DISC1: variants seen among roughly 807,000 people sequenced by gnomAD.
DISC1 encodes DISC1 scaffold protein.
Under a neutral mutation model 84.5 loss-of-function variants are expected in DISC1, and 57 were observed. The observed-to-expected ratio is 0.67, with a 90% CI of 0.55 to 0.84. The LOEUF is 0.84. Ranked by LOEUF, DISC1 falls within the 40% of genes least tolerant of loss-of-function variation. The probability of loss-of-function intolerance (pLI) is 0.00; values close to 1 mark genes in which losing one functional copy is unlikely to be tolerated. For missense variants in DISC1, 1,000 were observed against 1,057.8 expected (o/e 0.95, Z 0.76); for synonymous variants, 411 against 415.2 (o/e 0.99, Z 0.12).
At chr1:231,738,197 A>G (rs541870659) in intron 3 of DISC1, among the ~76,000 whole-genome samples, 2 of 152,170 alleles carry the variant, frequency 1.3e-5, no homozygotes, top group Non-Finnish European at 2.9e-5. Flanking sequence ...ACACTCTCCC[A>G]TGCACCCAAC....
At chr1:231,748,471 G>A (rs1348904913) in intron 3 of DISC1, among the ~76,000 whole-genome samples, 1 of 152,124 alleles carries the variant, frequency 6.6e-6, no homozygotes, top group East Asian at 1.9e-4. Context: ...TTTATCAAAA[G>A]CTTTTTCTGC....
rs139010431 is a variant in DISC1, at chr1:231,775,857, C to T, written c.1634+4787C>T. 3.4e-3 allele frequency among the ~76,000 whole-genome samples: 521 copies of T among 152,138 alleles called. 3 individuals are homozygous for T. The highest frequency in any genetic ancestry group is 0.012 in the African/African-American group (501 of 41,498). The stretch of plus-strand genomic sequence containing the variant: ...AGCTTGGTTCTTCTCCCACACGAAA[C>T]CCATGGTTCTTGTTCTACCCCCTGC... On this transcript the variant is annotated intron_variant, in intron 6 of 12. Transcript: ENST00000439617.
chr1:232,008,734 A>T, intron 10 of DISC1, 51 bp from the exon 11 acceptor site: 1 of 1,515,454 alleles, frequency 6.6e-7, no homozygotes, highest in Non-Finnish European at 8.8e-7. Flanking sequence ...ACTTGGTATG[A>T]TGAAACATCA....
chr1:231,720,365 G>A (rs994569147), intron 3 of DISC1, among the ~76,000 whole-genome samples: 1 of 151,860 alleles, frequency 6.6e-6, no homozygotes, highest in African/African-American at 2.4e-5. Context: ...TTTAAGACAG[G>A]GTCTCGCTTT....
chr1:231,739,157 G>C (rs564036318), intron 3 of DISC1, among the ~76,000 whole-genome samples: 1 of 152,102 alleles, frequency 6.6e-6, no homozygotes, highest in Non-Finnish European at 1.5e-5. Flanking sequence ...TGCTTCCTTC[G>C]CTATTTCCAT....
intron 1 of DISC1, among the ~76,000 whole-genome samples, chr1:231,689,841 G>A (rs955588388): frequency 6.6e-6 from 1 of 152,176 alleles, no homozygotes; most frequent in South Asian, 2.1e-4. Flanking sequence ...ACAGTGCTGG[G>A]TGTTAACAAT....
chr1:231,799,792 C>T lies in DISC1; in HGVS notation c.1690-316C>T, dbSNP rs185843102. On this transcript the variant is annotated intron_variant, in intron 7 of 12. Transcript: ENST00000439617. ...GGCATATGCTTGGAATATGCCATTG[C>T]TCACTTTATTTTTGTTCTTCTTCCT... Among the ~76,000 whole-genome samples the T allele has an allele frequency of 4.0e-3, 591 of 149,036 alleles. 3 individuals are homozygous for T. Among genetic ancestry groups the T allele is most frequent in the African/African-American group, 0.014 (569 of 40,220 alleles).
chr1:231,892,803 A>T (rs1035265576), intron 9 of DISC1, among the ~76,000 whole-genome samples: 1 of 152,182 alleles, frequency 6.6e-6, no homozygotes, highest in African/African-American at 2.4e-5. Flanking sequence ...ACGGGGAGAA[A>T]GATGATTCCT....
rs183112427 is a variant in DISC1 at position 231,880,790 on chromosome 1, T to C, written c.1981+62273T>C. Among the ~76,000 whole-genome samples, 52 of 152,186 alleles carry C rather than the reference T, an allele frequency of 3.4e-4. No individual in the cohort carries two copies. The East Asian group carries it at 9.7e-3, about 28-fold the overall frequency. ...GGTGAAATCATCGGGATGTGGAAAC[T>C]GTATTCTTGGGTGGGTCAGCTCCTA... is the stretch of plus-strand genomic sequence containing the variant. On this transcript the variant is annotated intron_variant, in intron 9 of 12. Transcript: ENST00000439617.
chr1:231,768,693 T>A (rs1322681105), intron 5 of DISC1, among the ~76,000 whole-genome samples: 1 of 152,210 alleles, frequency 6.6e-6, no homozygotes, highest in Non-Finnish European at 1.5e-5. Context: ...TGCTTGAGAT[T>A]CCTGGGGAGC....
intron 9 of DISC1, among the ~76,000 whole-genome samples, chr1:231,876,731 G>A (rs2085914624): frequency 6.6e-6 from 1 of 152,326 alleles, no homozygotes; most frequent in Non-Finnish European, 1.5e-5. Flanking sequence ...GTTTTCAGGG[G>A]CCATAGCAGG....
chr1:231,849,533 G>GGTGT lies in DISC1; in HGVS notation c.1981+31026_1981+31029dup, dbSNP rs1045805728. Among the ~76,000 whole-genome samples the GGTGT allele has an allele frequency of 4.6e-5, 7 of 151,910 alleles. No individual in the cohort carries two copies. The South Asian group carries it at 1.5e-3, about 32-fold the overall frequency. The stretch of plus-strand genomic sequence containing the variant: ...GCAGGGCTCTGATGATGATGATGGT[G>GGTGT]GTGTGTGTGTGTGGTGTAGTGTATG... On this transcript the variant is annotated intron_variant, in intron 9 of 12. Coordinates refer to ENST00000439617, the MANE Select transcript of DISC1 (RefSeq NM_018662.3).
At chr1:232,015,270 A>G (rs1668373615) in intron 11 of DISC1, among the ~76,000 whole-genome samples, 1 of 151,900 alleles carries the variant, frequency 6.6e-6, no homozygotes. Context: ...TCCATGCTCC[A>G]GGGCCTCACG....
At chr1:231,936,511 G>C (rs1226639147) in intron 9 of DISC1, among the ~76,000 whole-genome samples, 1 of 152,186 alleles carries the variant, frequency 6.6e-6, no homozygotes, top group Non-Finnish European at 1.5e-5. Flanking sequence ...TTTGAAAGAG[G>C]TTTGAATGTT....
intron 6 of DISC1, among the ~76,000 whole-genome samples, chr1:231,785,209 C>G (rs1449680174): frequency 6.9e-6 from 1 of 145,196 alleles, no homozygotes; most frequent in Non-Finnish European, 1.5e-5. Context: ...TTGTTAATGT[C>G]AACAGATTTG....
intron 9 of DISC1, among the ~76,000 whole-genome samples, chr1:231,867,851 TC>T (rs1418559723): frequency 2.0e-5 from 3 of 152,248 alleles, no homozygotes; most frequent in Non-Finnish European, 4.4e-5. Flanking sequence ...GTCTTTTTAA[TC>T]CACCAAGCCT....
At chr1:231,722,314 A>G (rs2069891181) in intron 3 of DISC1, among the ~76,000 whole-genome samples, 1 of 152,206 alleles carries the variant, frequency 6.6e-6, no homozygotes. Flanking sequence ...ACAGTATGCT[A>G]GAGATGCTTA....
intron 9 of DISC1, among the ~76,000 whole-genome samples, chr1:231,957,935 T>C (rs555891231): frequency 5.9e-5 from 9 of 152,194 alleles, no homozygotes; most frequent in Admixed American, 3.9e-4. Context: ...AACTTTAGAG[T>C]ACATGAGCCC....
rs538881512 is a variant in DISC1, at chr1:231,783,517, G to A, written c.1635-11725G>A. ...GCACATGAATTACAGTTTCAGTTTG[G>A]AATAAGATTGTTTGAGGCAATGAGA... On this transcript the variant is annotated intron_variant, in intron 6 of 12. Coordinates refer to ENST00000439617, the MANE Select transcript of DISC1 (RefSeq NM_018662.3). 5.3e-5 allele frequency among the ~76,000 whole-genome samples: 8 copies of A among 152,280 alleles called. No individual in the cohort carries two copies. In the South Asian group the frequency reaches 6.2e-4, roughly 12 times the overall value.
Sources: gnomAD v4.1 joint callset for allele counts (sites outside exome capture counted in the v4.1 genomes callset) on GRCh38, gnomAD v4.1.1 for gene constraint, MANE v1.5 for transcripts, NCBI Gene and HGNC (gene_info 2026-07-23, HGNC 2026-07-21) for gene names.